The following ITGA9 variants were observed in gnomAD, a reference collection of about 807,000 sequenced individuals.
The protein encoded by ITGA9 is integrin subunit alpha 9.
A neutral mutation model predicts 127.8 loss-of-function variants in ITGA9; 56 were observed. The observed-to-expected ratio is 0.44, with a 90% confidence interval of 0.35 to 0.55. ITGA9 has a LOEUF of 0.55. ITGA9 is among the 20% of genes least tolerant of loss of function. The probability of loss-of-function intolerance (pLI) is 0.00; values close to 1 mark genes in which losing one functional copy is unlikely to be tolerated. For synonymous variants in ITGA9, 508 were observed against 514.5 expected (o/e 0.99, Z 0.17); for missense variants, 1,196 against 1,347.1 (o/e 0.89, Z 1.76).
At chr3:37,753,743 C>T (rs1696617879) in intron 23 of ITGA9, 2 of 152,184 alleles carry the variant, frequency 1.3e-5, no homozygotes, top group South Asian at 4.1e-4. Context: ...GTGCTGTAGA[C>T]CTGAACCTTC....
At chr3:37,619,096 C>T (rs962079193) in intron 15 of ITGA9, among the ~76,000 whole-genome samples, 2 of 152,182 alleles carry the variant, frequency 1.3e-5, no homozygotes, top group Admixed American at 6.5e-5. Context: ...ATTTGGCCGT[C>T]TTCGCTGTTA....
intron 22 of ITGA9, among the ~76,000 whole-genome samples, chr3:37,747,720 T>C (rs1250504356): frequency 1.3e-5 from 2 of 149,352 alleles, no homozygotes; most frequent in African/African-American, 2.5e-5. Context: ...TTTTTTCTTT[T>C]TTTTTTTTGT....
intron 15 of ITGA9, among the ~76,000 whole-genome samples, chr3:37,557,369 TAC>T (rs1222110154): frequency 6.6e-6 from 1 of 152,140 alleles, no homozygotes; most frequent in East Asian, 1.9e-4. Context: ...TTGTAGTGAG[TAC>T]GCTGTGTGCG....
In ITGA9 at chr3:37,774,667, C is replaced by T. The variant is rs1696884898; in HGVS notation, c.2542-2725C>T. On this transcript the variant is annotated intron_variant, in intron 23 of 27. Transcript: ENST00000264741. Reference sequence around the variant, plus strand: ...ACCTGAGCCCAGGAGGTTGAAGCTGCAGTGAGCTGGACTACTGTACTTCAG... The same window carrying T: ...ACCTGAGCCCAGGAGGTTGAAGCTGTAGTGAGCTGGACTACTGTACTTCAG... Among the ~76,000 whole-genome samples the T allele has an allele frequency of 2.6e-5, 4 of 152,014 alleles. 1 individual carries two copies. In the South Asian group the frequency reaches 8.3e-4, roughly 32 times the overall value.
intron 15 of ITGA9, among the ~76,000 whole-genome samples, chr3:37,576,022 G>C (rs1559540591): frequency 6.6e-6 from 1 of 152,196 alleles, no homozygotes; most frequent in Non-Finnish European, 1.5e-5. Flanking sequence ...AGCCATGAAG[G>C]GCTCGGCCAT....
chr3:37,741,664 A>C, intron 20 of ITGA9, 66 bp from the exon 21 acceptor site: 3 of 1,251,432 alleles, frequency 2.4e-6, no homozygotes, highest in Non-Finnish European at 3.5e-6. Flanking sequence ...AAAGTGGAAC[A>C]GAGAAAGCCC....
At chr3:37,562,035 T>C (rs2555240) in intron 15 of ITGA9, among the ~76,000 whole-genome samples, 90,814 of 152,034 alleles carry the variant, frequency 0.6, 27,526 homozygotes, top group East Asian at 0.84. Flanking sequence ...CCTTCAGCTC[T>C]TCTGCTTACA....
At chr3:37,537,115 T>G in intron 14 of ITGA9, among the ~76,000 whole-genome samples, 1 of 152,216 alleles carries the variant, frequency 6.6e-6, no homozygotes, top group East Asian at 1.9e-4. Flanking sequence ...TCAGAACCTA[T>G]GAGCTTGGAG....
At position 37,736,964 on chromosome 3, in the gene ITGA9, T is replaced by C. The variant is rs1489867695; in HGVS notation, c.2215T>C (p.Phe739Leu). The C allele has an allele frequency of 6.2e-7, 1 of 1,611,856 alleles. No individual in the cohort carries two copies. The change falls in exon 20 of 28, where the codon TTC becomes CTC. Residue 739 changes from phenylalanine (F) to leucine (L), a missense_variant. Phe to Leu is a conservative substitution (Grantham distance 22, BLOSUM62 0). Transcript: ENST00000264741. ...GTCTGGGGAAGAGGAAGTTCTCAGCTTCATTGTTACTGCTCAGAGGTAAGG... is the reference window on the plus strand; with the variant it reads ...GTCTGGGGAAGAGGAAGTTCTCAGCCTCATTGTTACTGCTCAGAGGTAAGG... ...HLSGEEEVLSFIVTAQSGNTE... is the reference protein window; with the variant it reads ...HLSGEEEVLSLIVTAQSGNTE...
At chr3:37,519,128 A>G (rs1199875519) in intron 10 of ITGA9, 132 bp from the exon 11 acceptor site, 1 of 732,246 alleles carries the variant, frequency 1.4e-6, no homozygotes, top group Non-Finnish European at 2.4e-6. Context: ...TTGTCCCCAA[A>G]TTAATGCTTG....
At chr3:37,538,543 A>C (rs1362018391) in intron 14 of ITGA9, among the ~76,000 whole-genome samples, 1 of 152,266 alleles carries the variant, frequency 6.6e-6, no homozygotes, top group Non-Finnish European at 1.5e-5. Context: ...GGGGCTGGCC[A>C]GGCTGGCTTA....
chr3:37,784,658 A>G (rs1697016895), intron 25 of ITGA9, among the ~76,000 whole-genome samples: 1 of 151,930 alleles, frequency 6.6e-6, no homozygotes. Context: ...TTTATCCTCA[A>G]CTCTTTGTGA....
At chr3:37,554,429 T>A (rs558119689) in intron 15 of ITGA9, among the ~76,000 whole-genome samples, 6 of 151,988 alleles carry the variant, frequency 3.9e-5, no homozygotes, top group South Asian at 2.1e-4. Context: ...CATCTTGGGC[T>A]TCCTAGGCCT....
At chr3:37,648,561 A>T (rs1195900522) in intron 16 of ITGA9, among the ~76,000 whole-genome samples, 1 of 152,064 alleles carries the variant, frequency 6.6e-6, no homozygotes, top group Non-Finnish European at 1.5e-5. Context: ...CAGGAGGTAG[A>T]GGCTGCAGTG....
intron 3 of ITGA9, among the ~76,000 whole-genome samples, chr3:37,474,994 C>T (rs999951876): frequency 6.6e-5 from 10 of 152,218 alleles, no homozygotes; most frequent in African/African-American, 2.4e-4. Context: ...TGGATGCTGT[C>T]GCCAGCATGG....
At chr3:37,547,815 G>A (rs1370638520) in intron 15 of ITGA9, among the ~76,000 whole-genome samples, 1 of 152,150 alleles carries the variant, frequency 6.6e-6, no homozygotes, top group Non-Finnish European at 1.5e-5. Context: ...TGAATCAGTA[G>A]TGTGTATAGT....
chr3:37,717,605 C>T (rs1398406157), intron 18 of ITGA9, among the ~76,000 whole-genome samples: 6 of 152,132 alleles, frequency 3.9e-5, no homozygotes, highest in African/African-American at 1.4e-4. Flanking sequence ...GGGAGTGCCA[C>T]ACACTTTTAA....
At chr3:37,684,989 A>T (rs901307105) in intron 18 of ITGA9, among the ~76,000 whole-genome samples, 1 of 152,312 alleles carries the variant, frequency 6.6e-6, no homozygotes, top group African/African-American at 2.4e-5. Context: ...AGTGGACAAA[A>T]GTCGACTCTG....
intron 22 of ITGA9, chr3:37,748,747 T>TAAA (rs34063758): frequency 6.1e-4 from 275 of 451,026 alleles, no homozygotes; most frequent in South Asian, 1.5e-3. Flanking sequence ...GACTCTGTCT[T>TAAA]AAAAAAAAAA....
Sources: gnomAD v4.1 joint callset for allele counts (sites outside exome capture counted in the v4.1 genomes callset) on GRCh38, gnomAD v4.1.1 for gene constraint, MANE v1.5 for transcripts, NCBI Gene and HGNC (gene_info 2026-07-23, HGNC 2026-07-21) for gene names.